The following VWA8 variants were observed in gnomAD, a reference collection of about 807,000 sequenced individuals.
VWA8 encodes von Willebrand factor A domain-containing protein 8.
VWA8 carries 221 observed loss-of-function variants against 241.5 expected under a neutral mutation model. The observed-to-expected ratio is 0.91, with a 90% CI of 0.82 to 1.02. VWA8 has a LOEUF of 1.02. Ranked by LOEUF, VWA8 falls within the 50% of genes least tolerant of loss-of-function variation. The pLI is 0.00. For synonymous variants in VWA8, 852 were observed against 827.1 expected (o/e 1.03, Z -0.52); for missense variants, 2,322 against 2,328.7 (o/e 1.00, Z 0.06).
At chr13:41,783,586 C>T (rs759922297) in intron 19 of VWA8, among the ~76,000 whole-genome samples, 1 of 149,378 alleles carries the variant, frequency 6.7e-6, no homozygotes. Context: ...TGCAGTGAGC[C>T]GAGATCGTGC....
At chr13:41,601,603 A>G (rs1416229815) in intron 40 of VWA8, among the ~76,000 whole-genome samples, 3 of 152,170 alleles carry the variant, frequency 2.0e-5, no homozygotes, top group Non-Finnish European at 2.9e-5. Flanking sequence ...TTGTTAGAGC[A>G]TGCATGGTGC....
intron 10 of VWA8, among the ~76,000 whole-genome samples, chr13:41,866,295 G>A (rs544298715): frequency 6.4e-4 from 97 of 151,916 alleles, no homozygotes; most frequent in African/African-American, 2.3e-3. Context: ...GTTGCAGTGA[G>A]CCAAGATTGC....
At chr13:41,768,807 T>C (rs894610979) in intron 20 of VWA8, among the ~76,000 whole-genome samples, 6 of 152,108 alleles carry the variant, frequency 3.9e-5, no homozygotes, top group Non-Finnish European at 7.4e-5. Context: ...GGTACATCTT[T>C]CCTCTTTCAA....
At chr13:41,690,081 G>A in intron 33 of VWA8, 85 bp downstream of exon 33, 1 of 1,202,368 alleles carries the variant, frequency 8.3e-7, no homozygotes, top group Non-Finnish European at 1.1e-6. Context: ...ATAGGCTGGT[G>A]TTTTGTTCTT....
At chr13:41,772,926 C>T (rs967015965) in intron 20 of VWA8, among the ~76,000 whole-genome samples, 7 of 152,124 alleles carry the variant, frequency 4.6e-5, no homozygotes, top group Admixed American at 1.3e-4. Flanking sequence ...CTTTAATTTC[C>T]TCATTGTAAA....
chr13:41,836,667 T>C (rs1034741301), intron 12 of VWA8, among the ~76,000 whole-genome samples: 1 of 152,206 alleles, frequency 6.6e-6, no homozygotes, highest in African/African-American at 2.4e-5. Context: ...GTACAGTACT[T>C]ACCTTATTCA....
chr13:41,875,093 A>C (rs1339382740), intron 9 of VWA8, among the ~76,000 whole-genome samples: 1 of 152,154 alleles, frequency 6.6e-6, no homozygotes, highest in East Asian at 1.9e-4. Context: ...TTAAATGAAC[A>C]AACAAAATTA....
chr13:41,653,287 G>T (rs2044880736), intron 37 of VWA8, among the ~76,000 whole-genome samples: 1 of 152,056 alleles, frequency 6.6e-6, no homozygotes, highest in Admixed American at 6.5e-5. Flanking sequence ...GCCAAATCAA[G>T]AACACAATCC....
chr13:41,615,159 A>G, intron 37 of VWA8, 75 bp from the exon 38 acceptor site: 1 of 1,449,552 alleles, frequency 6.9e-7, no homozygotes, highest in Non-Finnish European at 9.5e-7. Flanking sequence ...AAAAAAAATT[A>G]TTTTCTCCTA....
intron 6 of VWA8, 134 bp downstream of exon 6, chr13:41,887,063 C>T (rs2138079818): frequency 1.8e-6 from 2 of 1,126,264 alleles, no homozygotes; most frequent in East Asian, 2.8e-5. Flanking sequence ...CTTTTCTTTA[C>T]TCTTTATTCT....
At chr13:41,835,498 C>T (rs1871681788) in intron 12 of VWA8, among the ~76,000 whole-genome samples, 1 of 152,066 alleles carries the variant, frequency 6.6e-6, no homozygotes, top group African/African-American at 2.4e-5. Context: ...ACAGTTATAA[C>T]AACCAAGACT....
chr13:41,840,752 G>A (rs1271330480), intron 12 of VWA8, among the ~76,000 whole-genome samples: 1 of 145,472 alleles, frequency 6.9e-6, no homozygotes, highest in East Asian at 2.0e-4. Flanking sequence ...AAGTGAGACC[G>A]TCTCAAAAAA....
At chr13:41,953,412 T>C (rs1455503968) in intron 1 of VWA8, among the ~76,000 whole-genome samples, 2 of 152,250 alleles carry the variant, frequency 1.3e-5, no homozygotes, top group Non-Finnish European at 1.5e-5. Flanking sequence ...TTTAGTATTG[T>C]AATTGGTTCC....
At position 41,912,159 on chromosome 13, in the gene VWA8, G is replaced by C; in HGVS notation, c.251C>G (p.Ser84Cys). 1 of 1,598,066 alleles carries C rather than the reference G, an allele frequency of 6.3e-7. No homozygotes were observed. The highest frequency in any genetic ancestry group is 8.5e-7 in the Non-Finnish European group (1 of 1,171,480). ...ATGCTGAACTACAGATTGAGCCAGA[G>C]AGTCTGAAACTATAAAGAAAAAAGA... ...ELVPQNYISD[S>C]LAQSVVQHLR... The change falls in exon 3 of 45, where the codon TCT becomes TGT. Residue 84 changes from serine (S) to cysteine (C), a missense_variant. By Grantham distance (112) the Ser-to-Cys change is moderately radical (BLOSUM62 -1). Transcript: ENST00000379310.
chr13:41,823,692 CT>C (rs1291414676), intron 14 of VWA8, among the ~76,000 whole-genome samples: 1 of 152,064 alleles, frequency 6.6e-6, no homozygotes, highest in Non-Finnish European at 1.5e-5. Flanking sequence ...TTCCTGGTGT[CT>C]TGTAATATGA....
intron 5 of VWA8, 112 bp downstream of exon 5, chr13:41,891,308 A>T: frequency 7.9e-7 from 1 of 1,272,912 alleles, no homozygotes; most frequent in Non-Finnish European, 1.1e-6. Flanking sequence ...ACCCAAGATA[A>T]GGGCCATCTG....
chr13:41,568,375 A>C (rs2044276114), intron 44 of VWA8, 70 bp from the exon 45 acceptor site: 1 of 1,250,678 alleles, frequency 8.0e-7, no homozygotes, highest in Non-Finnish European at 1.2e-6. Flanking sequence ...TGCCCTGGCA[A>C]ACCACAGCCC....
chr13:41,582,657 TGTTA>T (rs1208933490), intron 42 of VWA8, among the ~76,000 whole-genome samples: 2 of 152,366 alleles, frequency 1.3e-5, no homozygotes, highest in South Asian at 4.1e-4. Context: ...TAAATCCTTT[TGTTA>T]GTTATTCCTA....
At chr13:41,771,785 T>C (rs1032833342) in intron 20 of VWA8, among the ~76,000 whole-genome samples, 1 of 151,736 alleles carries the variant, frequency 6.6e-6, no homozygotes, top group African/African-American at 2.4e-5. Context: ...TTTTGCCATA[T>C]TGCCCGTGCT....
Sources: allele counts gnomAD v4.1 joint callset (sites outside exome capture counted in the v4.1 genomes callset), GRCh38; gene constraint gnomAD v4.1.1; transcripts MANE v1.5; gene names NCBI Gene and HGNC (gene_info 2026-07-23, HGNC 2026-07-21).